Variants in DACH2 observed in about 807,000 individuals in gnomAD.
DACH2 encodes dachshund homolog 2.
In DACH2, 17 loss-of-function variants were observed where a neutral mutation model predicts 35.8. The ratio of observed to expected loss-of-function variants is 0.48; its 90% CI spans 0.33 to 0.71. DACH2 has a LOEUF of 0.71. Among genes scored for constraint, DACH2 ranks in the 30% least tolerant of loss-of-function variants. DACH2 has a pLI of 0.02. For synonymous variants in DACH2, 195 were observed against 177.3 expected, an observed-to-expected ratio of 1.10 and a Z score of -0.79; for missense variants, 469 against 472.7, an observed-to-expected ratio of 0.99 and a Z score of 0.07.
intron 1 of DACH2, among the ~76,000 whole-genome samples, chrX:86,259,021 T>C (rs1222759140): frequency 8.9e-6 from 1 of 112,036 alleles, no homozygotes; most frequent in Non-Finnish European, 1.9e-5. Context: ...AATGGATGAT[T>C]GTAACATGAA....
intron 7 of DACH2, among the ~76,000 whole-genome samples, chrX:86,757,439 A>C (rs772386300): frequency 8.9e-6 from 1 of 112,322 alleles, no homozygotes; most frequent in African/African-American, 3.2e-5. Flanking sequence ...TAGTTTGAAA[A>C]GAATTGGTGT....
chrX:86,741,592 G>C (rs1383590416), intron 7 of DACH2, among the ~76,000 whole-genome samples: 2 of 111,421 alleles, frequency 1.8e-5, no homozygotes, highest in Non-Finnish European at 1.9e-5. Context: ...TCTTTTCTAC[G>C]ACATAGACTA....
At chrX:86,756,948 G>A (rs1246976452) in intron 7 of DACH2, among the ~76,000 whole-genome samples, 1 of 111,003 alleles carries the variant, frequency 9.0e-6, no homozygotes, top group Non-Finnish European at 1.9e-5. Flanking sequence ...TTAAAAGACA[G>A]TGAATTTTAT....
chrX:86,724,197 T>A (rs1256855098), intron 6 of DACH2, among the ~76,000 whole-genome samples: 1 of 111,808 alleles, frequency 8.9e-6, no homozygotes, highest in Non-Finnish European at 1.9e-5. Flanking sequence ...TTTTTCCTTA[T>A]TCTCTATGTT....
At chrX:86,440,904 C>T (rs928436349) in intron 2 of DACH2, among the ~76,000 whole-genome samples, 1 of 111,091 alleles carries the variant, frequency 9.0e-6, no homozygotes, top group Non-Finnish European at 1.9e-5. Flanking sequence ...TGTAGTTACT[C>T]TACTGTGCAA....
intron 3 of DACH2, among the ~76,000 whole-genome samples, chrX:86,648,749 T>TATC (rs947197452): frequency 2.7e-5 from 3 of 110,761 alleles, no homozygotes; most frequent in Admixed American, 9.7e-5. Context: ...CAGATTTTTG[T>TATC]ATCTCAATTG....
Position 86,739,881 on chromosome X carries a change from G to A in DACH2, c.1239G>A (p.Met413Ile). ...AGATGGATCATCATTTGGAAAGAAT[G>A]GGTGAGTAACTTTTCTGAAACAGGT... ...PSQMDHHLERMEEVPVQIPIM... is the reference protein window; with the variant it reads ...PSQMDHHLERIEEVPVQIPIM... Residue 413 changes from methionine to isoleucine, a missense_variant and splice_region_variant, in exon 7 of 12, where the codon ATG (methionine) becomes ATA (isoleucine). Transcript: ENST00000373125. The A allele has an allele frequency of 8.4e-7, 1 of 1,188,334 alleles. No individual in the cohort carries two copies.
At chrX:86,411,050 AAAGGGGAGTT>A (rs1569386497) in intron 2 of DACH2, among the ~76,000 whole-genome samples, 3 of 90,024 alleles carry the variant, frequency 3.3e-5, no homozygotes, top group African/African-American at 9.1e-5. Context: ...GTATATATGT[AAAGGGGAGTT>A]TATTTAGTAT....
intron 4 of DACH2, among the ~76,000 whole-genome samples, chrX:86,686,988 G>T (rs1035273317): frequency 8.9e-6 from 1 of 112,141 alleles, no homozygotes; most frequent in Non-Finnish European, 1.9e-5. Context: ...CATTTACTTC[G>T]TGAAACATAT....
intron 1 of DACH2, among the ~76,000 whole-genome samples, chrX:86,292,456 G>C (rs1342493529): frequency 2.8e-5 from 3 of 107,282 alleles, no homozygotes; most frequent in African/African-American, 1.0e-4. Context: ...GTTATTTCTT[G>C]CCTTCTGCTA....
chrX:86,622,668 T>C (rs193046694), intron 3 of DACH2, among the ~76,000 whole-genome samples: 103 of 112,012 alleles, frequency 9.2e-4, no homozygotes, highest in African/African-American at 3.2e-3. Context: ...ATTAGTAATA[T>C]AATTTTCTCC....
At chrX:86,250,010 T>C (rs981711376) in intron 1 of DACH2, among the ~76,000 whole-genome samples, 5 of 110,492 alleles carry the variant, frequency 4.5e-5, no homozygotes, top group Admixed American at 3.9e-4. Context: ...CAAATACATA[T>C]GGACACAAAG....
intron 1 of DACH2, chrX:86,345,388 A>G (rs2035479184): frequency 6.9e-6 from 2 of 291,517 alleles, no homozygotes; most frequent in South Asian, 3.4e-5. Context: ...CCTGACATGA[A>G]TTAGATTGTG....
chrX:86,420,281 T>C (rs1256659145), intron 2 of DACH2, among the ~76,000 whole-genome samples: 3 of 112,309 alleles, frequency 2.7e-5, no homozygotes, highest in African/African-American at 9.7e-5. Context: ...TATTATGCTC[T>C]AGGTTCCTGA....
In DACH2 at chrX:86,780,562, TGTA is replaced by T. The variant is rs755387651; in HGVS notation, c.1241-32292_1241-32290del. ...CATTGTTACATTTAACAACATTAAA[TGTA>T]GAGTCCCTACTTCGTGGGCACAAAT... On this transcript the variant is annotated intron_variant, in intron 7 of 11. Coordinates refer to ENST00000373125, the MANE Select transcript of DACH2 (RefSeq NM_053281.3). Among the ~76,000 whole-genome samples the T allele has an allele frequency of 1.3e-3, 147 of 112,382 alleles. 1 individual carries two copies. Among genetic ancestry groups the T allele is most frequent in the East Asian group, 1.1e-3 (4 of 3,539 alleles).
At chrX:86,160,269 C>A in intron 1 of DACH2, 1 of 1,197,904 alleles carries the variant, frequency 8.3e-7, no homozygotes, top group Non-Finnish European at 1.1e-6. Flanking sequence ...GACTTGGTGA[C>A]CTTGCCAGCT....
intron 4 of DACH2, among the ~76,000 whole-genome samples, chrX:86,692,129 G>A (rs1008044274): frequency 1.5e-4 from 17 of 111,538 alleles, no homozygotes; most frequent in African/African-American, 3.6e-4. Flanking sequence ...CTCCTCAGCC[G>A]CTCGATTCAT....
At chrX:86,247,704 C>G (rs1198759413) in intron 1 of DACH2, among the ~76,000 whole-genome samples, 1 of 111,314 alleles carries the variant, frequency 9.0e-6, no homozygotes, top group Non-Finnish European at 1.9e-5. Context: ...AGGCCAGCAT[C>G]ATTCTGATAC....
chrX:86,729,745 G>C (rs1447184266), intron 6 of DACH2, among the ~76,000 whole-genome samples: 1 of 110,873 alleles, frequency 9.0e-6, no homozygotes, highest in Non-Finnish European at 1.9e-5. Context: ...ATGAGATCTG[G>C]TTATTTAAAA....
Sources: gnomAD v4.1 joint callset for allele counts (sites outside exome capture counted in the v4.1 genomes callset) on GRCh38, gnomAD v4.1.1 for gene constraint, MANE v1.5 for transcripts, NCBI Gene and HGNC (gene_info 2026-07-23, HGNC 2026-07-21) for gene names.